CDH12: variants seen among roughly 807,000 people sequenced by gnomAD.
CDH12 encodes the protein cadherin 12.
Under a neutral mutation model 74.1 loss-of-function variants are expected in CDH12, and 41 were observed. The ratio of observed to expected loss-of-function variants is 0.55; its 90% confidence interval spans 0.43 to 0.72. CDH12 has a LOEUF of 0.72. Among genes scored for constraint, CDH12 ranks in the 30% least tolerant of loss-of-function variants. The probability of loss-of-function intolerance (pLI) is 0.00; values close to 1 mark genes in which losing one functional copy is unlikely to be tolerated. For synonymous variants in CDH12, 399 were observed against 355.0 expected (o/e 1.12, Z -1.39); for missense variants, 945 against 977.2 (o/e 0.97, Z 0.44).
At chr5:22,699,454 G>C (rs1580900980) in intron 1 of CDH12, among the ~76,000 whole-genome samples, 1 of 151,242 alleles carries the variant, frequency 6.6e-6, no homozygotes, top group East Asian at 1.9e-4. Flanking sequence ...ATACACAAAA[G>C]CTCTAAATTA....
intron 4 of CDH12, among the ~76,000 whole-genome samples, chr5:22,155,115 A>C (rs545040842): frequency 1.3e-3 from 194 of 152,156 alleles, no homozygotes; most frequent in African/African-American, 4.4e-3. Flanking sequence ...AATCCATATC[A>C]CACCTCAGAT....
intron 4 of CDH12, among the ~76,000 whole-genome samples, chr5:22,162,032 T>C (rs1204568792): frequency 1.3e-5 from 2 of 150,496 alleles, no homozygotes; most frequent in South Asian, 2.1e-4. Context: ...AGCATCCATT[T>C]TGAATACTAG....
chr5:21,933,646 A>C (rs1194793044), intron 6 of CDH12, among the ~76,000 whole-genome samples: 1 of 152,232 alleles, frequency 6.6e-6, no homozygotes, highest in Non-Finnish European at 1.5e-5. Flanking sequence ...AGATTAGCAC[A>C]GGTGGAAAGA....
chr5:21,833,416 A>G (rs1261591064), intron 8 of CDH12, among the ~76,000 whole-genome samples: 2 of 101,958 alleles, frequency 2.0e-5, no homozygotes, highest in East Asian at 2.7e-4. Context: ...TATGTAATAT[A>G]CATTATTATA....
chr5:22,680,731 A>G (rs1428437083), intron 1 of CDH12, among the ~76,000 whole-genome samples: 1 of 152,034 alleles, frequency 6.6e-6, no homozygotes. Flanking sequence ...TCTGGGGTTA[A>G]ATAATACGTA....
intron 8 of CDH12, among the ~76,000 whole-genome samples, chr5:21,819,389 C>G (rs539050733): frequency 6.6e-6 from 1 of 151,892 alleles, no homozygotes; most frequent in Non-Finnish European, 1.5e-5. Context: ...AGGCACAGAA[C>G]GTGTAATTTT....
intron 1 of CDH12, among the ~76,000 whole-genome samples, chr5:22,661,469 T>C (rs2126898454): frequency 6.6e-6 from 1 of 152,236 alleles, no homozygotes; most frequent in South Asian, 2.1e-4. Flanking sequence ...GAGACTATTT[T>C]TTAGGAAATA....
intron 6 of CDH12, among the ~76,000 whole-genome samples, chr5:21,871,204 C>T (rs376618387): frequency 8.0e-4 from 122 of 152,122 alleles, no homozygotes; most frequent in African/African-American, 2.8e-3. Flanking sequence ...GGCTGCATAG[C>T]TTGACATTGT....
At chr5:21,965,737 G>C (rs1306739487) in intron 6 of CDH12, among the ~76,000 whole-genome samples, 1 of 151,736 alleles carries the variant, frequency 6.6e-6, no homozygotes, top group Non-Finnish European at 1.5e-5. Flanking sequence ...ATACTGGTGA[G>C]TTTTAAAAAT....
Position 22,843,617 on chromosome 5 carries a change from T to G in CDH12, c.-523+9441A>C, listed in dbSNP as rs558274306. 5.5e-3 allele frequency among the ~76,000 whole-genome samples: 319 copies of G among 57,954 alleles called. 2 individuals are homozygous for G. Among genetic ancestry groups the G allele is most frequent in the Non-Finnish European group, 0.01 (222 of 21,224 alleles). 38.0% of individuals were successfully genotyped at this position (57,954 alleles called of 152,430 possible). On this transcript the variant is annotated intron_variant, in intron 1 of 14. Transcript: ENST00000382254. ...GAAGTTGTTCTTAACATTTGTGGTGTGTGTGTGTGTGTGTGTGTGTGTGTG... is the reference window on the plus strand; with the variant it reads ...GAAGTTGTTCTTAACATTTGTGGTGGGTGTGTGTGTGTGTGTGTGTGTGTG...
At chr5:22,151,236 G>GA (rs1747561015) in intron 4 of CDH12, among the ~76,000 whole-genome samples, 1 of 152,086 alleles carries the variant, frequency 6.6e-6, no homozygotes, top group African/African-American at 2.4e-5. Flanking sequence ...GCCTGATACT[G>GA]AAACTCTGTT....
intron 1 of CDH12, among the ~76,000 whole-genome samples, chr5:22,741,002 A>G (rs6879879): frequency 0.5 from 75,927 of 151,938 alleles, 18,978 homozygotes; most frequent in East Asian, 0.56. Context: ...TCTCTATTCT[A>G]ATTTGAAAAT....
At chr5:22,708,502 A>T (rs1467955128) in intron 1 of CDH12, among the ~76,000 whole-genome samples, 1 of 152,150 alleles carries the variant, frequency 6.6e-6, no homozygotes, top group African/African-American at 2.4e-5. Context: ...AAAGGGGTGG[A>T]TGGAGTAAAA....
At chr5:22,310,937 A>G (rs1422198577) in intron 3 of CDH12, among the ~76,000 whole-genome samples, 2 of 152,156 alleles carry the variant, frequency 1.3e-5, no homozygotes, top group African/African-American at 4.8e-5. Context: ...TTCCTTGGCA[A>G]CTCAGGCAGT....
chr5:22,002,000 C>T (rs1027330396), intron 5 of CDH12, among the ~76,000 whole-genome samples: 8 of 151,946 alleles, frequency 5.3e-5, no homozygotes, highest in African/African-American at 1.9e-4. Flanking sequence ...CCAAATCTGA[C>T]CTAGGAAATT....
chr5:22,753,729 T>C (rs888021615), intron 1 of CDH12, among the ~76,000 whole-genome samples: 5 of 151,632 alleles, frequency 3.3e-5, no homozygotes, highest in Admixed American at 6.6e-5. Flanking sequence ...CATACATATA[T>C]ATGTATATAC....
chr5:21,963,756 C>T (rs1472353944), intron 6 of CDH12, among the ~76,000 whole-genome samples: 3 of 151,926 alleles, frequency 2.0e-5, no homozygotes, highest in Non-Finnish European at 4.4e-5. Flanking sequence ...ACTATATTTT[C>T]CTATTTCAAT....
Position 22,781,478 on chromosome 5 carries a change from C to T in CDH12, c.-523+71580G>A, listed in dbSNP as rs374172147. ...TTTGGCTCTGCAGTTACTAAGCCAACAACCCCCAAGTCTCCTCCCACCACA... is the reference window on the plus strand; with the variant it reads ...TTTGGCTCTGCAGTTACTAAGCCAATAACCCCCAAGTCTCCTCCCACCACA... On this transcript the variant is annotated intron_variant, in intron 1 of 14. Coordinates refer to ENST00000382254, the MANE Select transcript of CDH12 (RefSeq NM_004061.5). 2.6e-5 allele frequency among the ~76,000 whole-genome samples: 4 copies of T among 152,110 alleles called. No individual in the cohort carries two copies. In the East Asian group the frequency reaches 7.7e-4, roughly 29 times the overall value.
chr5:22,372,959 C>G (rs1203183033), intron 3 of CDH12, among the ~76,000 whole-genome samples: 1 of 152,156 alleles, frequency 6.6e-6, no homozygotes, highest in Non-Finnish European at 1.5e-5. Context: ...CAGTAAGCTA[C>G]TCCTACTGCA....
Sources: gnomAD v4.1 joint callset for allele counts (sites outside exome capture counted in the v4.1 genomes callset) on GRCh38, gnomAD v4.1.1 for gene constraint, MANE v1.5 for transcripts, NCBI Gene and HGNC (gene_info 2026-07-23, HGNC 2026-07-21) for gene names.